Variants in ITPR2 observed in about 807,000 individuals in gnomAD.
ITPR2 encodes inositol 1,4,5-trisphosphate receptor type 2, also known as inositol 1,4,5-trisphosphate-gated calcium channel ITPR2.
A neutral mutation model predicts 317.1 loss-of-function variants in ITPR2; 207 were observed. The ratio of observed to expected loss-of-function variants is 0.65; its 90% CI spans 0.58 to 0.73. The LOEUF (loss-of-function observed/expected upper bound fraction) is 0.73, where lower values mean the gene tolerates loss of function less well. Ranked by LOEUF, ITPR2 falls within the 30% of genes least tolerant of loss-of-function variation. ITPR2 has a pLI of 0.00. For missense variants in ITPR2, 2,613 were observed against 3,284.0 expected (o/e 0.80, Z 4.99); for synonymous variants, 1,156 against 1,149.1 (o/e 1.01, Z -0.12).
At chr12:26,462,673 C>CCTTT (rs386362868) in intron 45 of ITPR2, among the ~76,000 whole-genome samples, 8 of 62,832 alleles carry the variant, frequency 1.3e-4, no homozygotes, top group Non-Finnish European at 2.0e-4. Context: ...AGCTTTCTTT[C>CCTTT]TTTTTTTTTT....
chr12:26,774,150 G>T (rs1044179156), intron 2 of ITPR2, among the ~76,000 whole-genome samples: 1 of 151,932 alleles, frequency 6.6e-6, no homozygotes, highest in Non-Finnish European at 1.5e-5. Flanking sequence ...TTAAACTAAA[G>T]ATTTGTTAGA....
At chr12:26,356,936 C>T (rs755335136) in intron 55 of ITPR2, among the ~76,000 whole-genome samples, 2 of 152,150 alleles carry the variant, frequency 1.3e-5, no homozygotes, top group Non-Finnish European at 2.9e-5. Context: ...CTTTAAGATA[C>T]TGAAATAGAT....
At chr12:26,636,019 C>T (rs540429782) in intron 21 of ITPR2, among the ~76,000 whole-genome samples, 4 of 152,328 alleles carry the variant, frequency 2.6e-5, no homozygotes, top group African/African-American at 9.6e-5. Flanking sequence ...ATCTAACCAG[C>T]AGTCCCAATT....
At chr12:26,506,545 T>C (rs755219589) in intron 37 of ITPR2, among the ~76,000 whole-genome samples, 1 of 136,644 alleles carries the variant, frequency 7.3e-6, no homozygotes, top group African/African-American at 2.7e-5. Flanking sequence ...AAAAAAAAAA[T>C]TAGCACACAA....
At chr12:26,501,183 T>A (rs150739994) in intron 37 of ITPR2, among the ~76,000 whole-genome samples, 14 of 152,262 alleles carry the variant, frequency 9.2e-5, no homozygotes, top group African/African-American at 3.4e-4. Flanking sequence ...CCTGTTAGTC[T>A]CCCCATAGTC....
chr12:26,713,134 C>A (rs1338662167), intron 8 of ITPR2, among the ~76,000 whole-genome samples: 1 of 152,180 alleles, frequency 6.6e-6, no homozygotes, highest in Non-Finnish European at 1.5e-5. Flanking sequence ...TGGGTAAGGA[C>A]CCCTCAGCAT....
chr12:26,442,417 C>T (rs758717485), intron 46 of ITPR2, among the ~76,000 whole-genome samples: 2 of 152,044 alleles, frequency 1.3e-5, no homozygotes, highest in African/African-American at 4.8e-5. Flanking sequence ...ATAGCTAAAT[C>T]TCTCCTCACT....
chr12:26,387,741 A>G, intron 54 of ITPR2, 147 bp from the exon 55 acceptor site: 1 of 697,444 alleles, frequency 1.4e-6, no homozygotes. Flanking sequence ...TAAAAACAAC[A>G]CAGTACACAA....
chr12:26,509,996 GT>G (rs1943291105), intron 37 of ITPR2, among the ~76,000 whole-genome samples: 1 of 123,718 alleles, frequency 8.1e-6, no homozygotes, highest in Non-Finnish European at 1.8e-5. Flanking sequence ...GTGTGTGTGT[GT>G]GTGTGTGGTG....
intron 2 of ITPR2, among the ~76,000 whole-genome samples, chr12:26,745,061 A>G (rs935926966): frequency 3.3e-5 from 5 of 152,262 alleles, no homozygotes; most frequent in South Asian, 2.1e-4. Context: ...TAGCAGCATT[A>G]TAAGTGTTCT....
At chr12:26,636,094 G>T (rs960757763) in intron 21 of ITPR2, among the ~76,000 whole-genome samples, 1 of 152,142 alleles carries the variant, frequency 6.6e-6, no homozygotes, top group South Asian at 2.1e-4. Flanking sequence ...TACATGCATG[G>T]TTTTTATTCC....
intron 49 of ITPR2, among the ~76,000 whole-genome samples, chr12:26,426,174 T>A (rs150095189): frequency 0.021 from 3,139 of 152,318 alleles, 31 homozygotes; most frequent in African/African-American, 0.027. Context: ...ATTATTTCAC[T>A]TTGTCAGACT....
chr12:26,693,235 G>A (rs959313032), intron 10 of ITPR2, among the ~76,000 whole-genome samples: 13 of 152,268 alleles, frequency 8.5e-5, no homozygotes, highest in Admixed American at 3.3e-4. Context: ...CAGTAACAAC[G>A]GCTTAAACAG....
intron 42 of ITPR2, among the ~76,000 whole-genome samples, chr12:26,482,728 G>A (rs1047812573): frequency 6.6e-6 from 1 of 152,066 alleles, no homozygotes; most frequent in Non-Finnish European, 1.5e-5. Flanking sequence ...TGTTTTCATT[G>A]TACACACCTA....
intron 42 of ITPR2, among the ~76,000 whole-genome samples, chr12:26,482,191 C>T (rs965080679): frequency 2.6e-5 from 4 of 152,294 alleles, no homozygotes; most frequent in Admixed American, 6.5e-5. Context: ...CTACCCATCT[C>T]CTACCTGTCC....
intron 47 of ITPR2, 44 bp downstream of exon 47, chr12:26,439,083 T>G (rs1941426838): frequency 8.0e-7 from 1 of 1,243,182 alleles, no homozygotes; most frequent in Non-Finnish European, 1.1e-6. Context: ...CCAAATTATC[T>G]ACCACTATGC....
At chr12:26,613,487 T>C (rs1249539539) in intron 26 of ITPR2, among the ~76,000 whole-genome samples, 1 of 152,082 alleles carries the variant, frequency 6.6e-6, no homozygotes, top group Non-Finnish European at 1.5e-5. Context: ...AATCAAGCAC[T>C]AGACTCATTG....
intron 37 of ITPR2, among the ~76,000 whole-genome samples, chr12:26,497,104 T>C (rs1325400803): frequency 7.0e-6 from 1 of 142,452 alleles, no homozygotes; most frequent in African/African-American, 2.6e-5. Context: ...TCCAATAGAG[T>C]CTTCCTACAT....
In ITPR2 at chr12:26,768,582, A is replaced by AC. The variant is rs1336460624; in HGVS notation, c.163+21574_163+21575insG. On this transcript the variant is annotated intron_variant, in intron 2 of 56. Transcript: ENST00000381340. Reference sequence around the variant, plus strand: ...AATACAAATATATATAAAAAAAAAAAAAAAAAAAAAAAAAACCTCCTGTTT... The same window carrying AC: ...AATACAAATATATATAAAAAAAAAAACAAAAAAAAAAAAAAACCTCCTGTTT... Among the ~76,000 whole-genome samples the AC allele has an allele frequency of 4.4e-4, 64 of 147,090 alleles. 1 individual carries two copies. Among genetic ancestry groups the AC allele is most frequent in the African/African-American group, 1.5e-3 (61 of 39,902 alleles).
Sources: gnomAD v4.1 joint callset for allele counts (sites outside exome capture counted in the v4.1 genomes callset) on GRCh38, gnomAD v4.1.1 for gene constraint, MANE v1.5 for transcripts, NCBI Gene and HGNC (gene_info 2026-07-23, HGNC 2026-07-21) for gene names.